The following TSHZ2 variants were observed in gnomAD, a reference collection of about 807,000 sequenced individuals.
TSHZ2 encodes the protein teashirt homolog 2.
In TSHZ2, 21 loss-of-function variants were observed where a neutral mutation model predicts 74.4. That is an observed-to-expected ratio of 0.28 (90% CI 0.20 to 0.41). TSHZ2 has a LOEUF of 0.41. TSHZ2 is among the 10% of genes least tolerant of loss of function. The pLI is 1.00. For synonymous variants in TSHZ2, 540 were observed against 515.3 expected, an observed-to-expected ratio of 1.05 and a Z score of -0.65; for missense variants, 1,244 against 1,293.5, an observed-to-expected ratio of 0.96 and a Z score of 0.59.
intron 1 of TSHZ2, among the ~76,000 whole-genome samples, chr20:53,113,391 T>C (rs954791721): frequency 2.0e-5 from 3 of 152,230 alleles, no homozygotes; most frequent in Non-Finnish European, 2.9e-5. Flanking sequence ...TGAAATAGTT[T>C]TGTGTATCTA....
rs59656180 is a variant in TSHZ2, at chr20:53,401,774, C to CTTTTTTT, written c.*9-85353_*9-85347dup. The stretch of plus-strand genomic sequence containing the variant: ...CCATGGTATATATACAACACATTTT[C>CTTTTTTT]TTTTTTTTTTTTTTTTTTTTTTTCT... On this transcript the variant is annotated intron_variant, in intron 2 of 2. Transcript: ENST00000371497. Among the ~76,000 whole-genome samples, 335 of 94,848 alleles carry CTTTTTTT rather than the reference C, an allele frequency of 3.5e-3. 2 individuals carry two copies. The highest frequency in any genetic ancestry group is 0.01 in the African/African-American group (222 of 21,196). 62.2% of individuals were successfully genotyped at this position (94,848 alleles called of 152,430 possible).
chr20:53,021,143 C>A (rs1229293586), intron 1 of TSHZ2, among the ~76,000 whole-genome samples: 3 of 152,170 alleles, frequency 2.0e-5, no homozygotes, highest in Non-Finnish European at 4.4e-5. Context: ...CCTTTCCCAG[C>A]CCTTCCCCTA....
At chr20:53,285,400 G>T (rs1160113004) in intron 2 of TSHZ2, among the ~76,000 whole-genome samples, 4 of 152,090 alleles carry the variant, frequency 2.6e-5, no homozygotes, top group Admixed American at 2.0e-4. Context: ...TTTTGCAGAT[G>T]TTGGGTCAGT....
In TSHZ2 at chr20:53,414,776, G is replaced by C. The variant is rs140477971; in HGVS notation, c.*9-72368G>C. ...GCAAGCACATTTCCATGTGAATCTTGCTGATTTTCTTGTTAATAAAGCTGC... is the reference window on the plus strand; with the variant it reads ...GCAAGCACATTTCCATGTGAATCTTCCTGATTTTCTTGTTAATAAAGCTGC... On this transcript the variant is annotated intron_variant, in intron 2 of 2. Transcript: ENST00000371497. 3.3e-4 allele frequency among the ~76,000 whole-genome samples: 50 copies of C among 152,318 alleles called. 1 individual carries two copies. Among genetic ancestry groups the C allele is most frequent in the African/African-American group, 1.2e-3 (49 of 41,546 alleles).
At chr20:53,288,971 C>A (rs568428292) in intron 2 of TSHZ2, among the ~76,000 whole-genome samples, 36 of 152,240 alleles carry the variant, frequency 2.4e-4, no homozygotes, top group South Asian at 2.1e-3. Context: ...CACCACCCCC[C>A]ACCCTTTGCC....
At chr20:53,320,217 G>A (rs1349296144) in intron 2 of TSHZ2, among the ~76,000 whole-genome samples, 1 of 152,178 alleles carries the variant, frequency 6.6e-6, no homozygotes, top group African/African-American at 2.4e-5. Flanking sequence ...TCATCATAGT[G>A]GCTTCTAAGG....
At chr20:53,239,997 A>G (rs1166699421) in intron 1 of TSHZ2, among the ~76,000 whole-genome samples, 3 of 152,192 alleles carry the variant, frequency 2.0e-5, no homozygotes, top group Non-Finnish European at 1.5e-5. Flanking sequence ...TTATTTGTTC[A>G]TGAAATTTCA....
intron 1 of TSHZ2, among the ~76,000 whole-genome samples, chr20:53,251,105 C>A (rs936548349): frequency 1.3e-5 from 2 of 152,162 alleles, no homozygotes; most frequent in Admixed American, 6.5e-5. Flanking sequence ...GACAGAAAGT[C>A]CTCATGGCCA....
intron 1 of TSHZ2, among the ~76,000 whole-genome samples, chr20:53,162,837 AAG>A (rs1298134962): frequency 6.6e-6 from 1 of 152,214 alleles, no homozygotes. Flanking sequence ...GGGAGAAAAT[AAG>A]AAAGTTAATT....
intron 1 of TSHZ2, among the ~76,000 whole-genome samples, chr20:53,183,022 A>G (rs1280096318): frequency 6.6e-6 from 1 of 152,184 alleles, no homozygotes. Flanking sequence ...AACTTGGTGT[A>G]CTGAGCAAAA....
intron 1 of TSHZ2, among the ~76,000 whole-genome samples, chr20:53,106,405 T>TC: frequency 1.7e-5 from 2 of 120,080 alleles, no homozygotes; most frequent in Non-Finnish European, 3.4e-5. Context: ...TTTTTTTTTT[T>TC]TTTTTTTTTT....
rs561025999 is a variant in TSHZ2, at chr20:53,215,800, G to A, written c.41-37699G>A. On this transcript the variant is annotated intron_variant, in intron 1 of 2. Coordinates refer to ENST00000371497, the MANE Select transcript of TSHZ2 (RefSeq NM_173485.6). The stretch of plus-strand genomic sequence containing the variant: ...GGAGCATAGCTTGAACTCAGGAAGC[G>A]GAGGTTGTGGTGAGCCGAGGTCGCG... Among the ~76,000 whole-genome samples the A allele has an allele frequency of 1.2e-3, 176 of 151,538 alleles. 1 individual carries two copies. The highest frequency in any genetic ancestry group is 4.0e-3 in the African/African-American group (163 of 41,202).
intron 1 of TSHZ2, chr20:53,185,585 A>C: frequency 1.3e-6 from 2 of 1,521,956 alleles, no homozygotes; most frequent in Non-Finnish European, 1.8e-6. Flanking sequence ...ACGCCACTGC[A>C]CTCCAGCTGG....
chr20:53,366,399 T>C (rs891226964), intron 2 of TSHZ2, among the ~76,000 whole-genome samples: 7 of 152,220 alleles, frequency 4.6e-5, no homozygotes, highest in African/African-American at 1.7e-4. Context: ...TTTAGTCTAT[T>C]TAAGGAAATA....
chr20:53,284,806 T>C (rs1991134766), intron 2 of TSHZ2, among the ~76,000 whole-genome samples: 1 of 149,704 alleles, frequency 6.7e-6, no homozygotes, highest in South Asian at 2.1e-4. Flanking sequence ...AACTCTACTG[T>C]CTTCTTTCAG....
intron 2 of TSHZ2, among the ~76,000 whole-genome samples, chr20:53,377,884 C>A (rs979417568): frequency 6.6e-6 from 1 of 151,594 alleles, no homozygotes; most frequent in African/African-American, 2.4e-5. Context: ...AGGCTACTGG[C>A]CAAGTCCCGT....
intron 2 of TSHZ2, among the ~76,000 whole-genome samples, chr20:53,293,733 C>T (rs985770203): frequency 1.4e-4 from 21 of 149,860 alleles, no homozygotes; most frequent in African/African-American, 4.7e-4. Flanking sequence ...AGAAACAGGT[C>T]CTGGCCAGGC....
At chr20:53,070,652 A>G (rs1005994459) in intron 1 of TSHZ2, among the ~76,000 whole-genome samples, 14 of 152,156 alleles carry the variant, frequency 9.2e-5, no homozygotes, top group African/African-American at 3.1e-4. Context: ...GTGTGTGTGT[A>G]TGAATGTGTG....
At chr20:53,145,264 G>A (rs1410595140) in intron 1 of TSHZ2, among the ~76,000 whole-genome samples, 1 of 152,208 alleles carries the variant, frequency 6.6e-6, no homozygotes, top group Non-Finnish European at 1.5e-5. Flanking sequence ...TTTGAAGAAA[G>A]AGAGTTGGAG....
Sources: gnomAD v4.1 joint callset for allele counts (sites outside exome capture counted in the v4.1 genomes callset) on GRCh38, gnomAD v4.1.1 for gene constraint, MANE v1.5 for transcripts, NCBI Gene and HGNC (gene_info 2026-07-23, HGNC 2026-07-21) for gene names.